DLG2: variants seen among roughly 807,000 people sequenced by gnomAD.
DLG2 encodes the protein disks large homolog 2.
DLG2 carries 45 observed loss-of-function variants against 132.5 expected under a neutral mutation model. The observed-to-expected ratio is 0.34, with a 90% CI of 0.27 to 0.44. The LOEUF (loss-of-function observed/expected upper bound fraction) is 0.44. Ranked by LOEUF, DLG2 falls within the 20% of genes least tolerant of loss-of-function variation. The pLI is 1.00. For missense variants in DLG2, 1,045 were observed against 1,196.9 expected, an observed-to-expected ratio of 0.87 and a Z score of 1.87; for synonymous variants, 424 against 419.6, an observed-to-expected ratio of 1.01 and a Z score of -0.13.
intron 6 of DLG2, among the ~76,000 whole-genome samples, chr11:84,958,700 T>G (rs750893547): frequency 6.6e-6 from 1 of 151,946 alleles, no homozygotes; most frequent in Non-Finnish European, 1.5e-5. Flanking sequence ...CTTTTGGGAG[T>G]TCTGCTCGCT....
At chr11:83,598,742 C>G (rs1321107223) in intron 19 of DLG2, among the ~76,000 whole-genome samples, 2 of 152,194 alleles carry the variant, frequency 1.3e-5, no homozygotes, top group Non-Finnish European at 2.9e-5. Flanking sequence ...AGAACTTTCT[C>G]TAAAATAGAT....
At chr11:85,479,653 C>G (rs1310936612) in intron 3 of DLG2, among the ~76,000 whole-genome samples, 3 of 152,162 alleles carry the variant, frequency 2.0e-5, no homozygotes, top group Non-Finnish European at 4.4e-5. Flanking sequence ...GATCGCTTTT[C>G]ATATTCATTG....
At chr11:83,823,882 T>C (rs1387082514) in intron 17 of DLG2, among the ~76,000 whole-genome samples, 1 of 152,168 alleles carries the variant, frequency 6.6e-6, no homozygotes, top group Non-Finnish European at 1.5e-5. Flanking sequence ...TAGGCATTTA[T>C]GCTTTTTTCA....
At chr11:85,144,426 T>A (rs1178917711) in intron 5 of DLG2, among the ~76,000 whole-genome samples, 1 of 151,548 alleles carries the variant, frequency 6.6e-6, no homozygotes, top group East Asian at 1.9e-4. Flanking sequence ...GTAAACGTTA[T>A]TATTGATAGG....
At chr11:83,916,515 C>T (rs150434906) in intron 15 of DLG2, among the ~76,000 whole-genome samples, 2,184 of 152,038 alleles carry the variant, frequency 0.014, 49 homozygotes, top group African/African-American at 0.05. Context: ...GGGGTTTCAC[C>T]ATGTTGGCCA....
At chr11:84,907,735 C>T (rs1458529156) in intron 6 of DLG2, among the ~76,000 whole-genome samples, 1 of 152,082 alleles carries the variant, frequency 6.6e-6, no homozygotes. Flanking sequence ...TCCAAGAAAA[C>T]CTGTCTGCAC....
chr11:84,313,687 A>AAGAAAGAAAGAAAGAAAGAAAGAG (rs760229361), intron 7 of DLG2, among the ~76,000 whole-genome samples: 15 of 141,286 alleles, frequency 1.1e-4, no homozygotes, highest in African/African-American at 3.4e-4. Flanking sequence ...GAAAGAAAGA[A>AAGAAAGAAAGAAAGAAAGAAAGAG]AAAGAAAGAG....
At chr11:84,203,581 CAAAAAAAAA>C (rs58934857) in intron 8 of DLG2, among the ~76,000 whole-genome samples, 3 of 99,426 alleles carry the variant, frequency 3.0e-5, no homozygotes, top group Admixed American at 2.5e-4. Context: ...GACTCCGTCT[CAAAAAAAAA>C]AAAAAAAAAG....
At chr11:84,502,335 T>C (rs1240491498) in intron 7 of DLG2, among the ~76,000 whole-genome samples, 7 of 28,322 alleles carry the variant, frequency 2.5e-4, no homozygotes, top group South Asian at 1.1e-3. Flanking sequence ...TCTTTCTTTC[T>C]TTCTTTCTTT....
chr11:84,552,397 G>C (rs1268926384), intron 6 of DLG2, among the ~76,000 whole-genome samples: 1 of 152,132 alleles, frequency 6.6e-6, no homozygotes, highest in Non-Finnish European at 1.5e-5. Context: ...CAGAGTAAGA[G>C]GAATGGATCA....
intron 6 of DLG2, among the ~76,000 whole-genome samples, chr11:85,019,698 T>C (rs2059872401): frequency 6.6e-6 from 1 of 152,128 alleles, no homozygotes; most frequent in Non-Finnish European, 1.5e-5. Flanking sequence ...AATTCCCACC[T>C]ATGAGTGAGA....
Position 84,373,260 on chromosome 11 carries a change from A to AAAAC in DLG2, c.520-121970_520-121969insGTTT, listed in dbSNP as rs1567448826. 7.7e-4 allele frequency among the ~76,000 whole-genome samples: 79 copies of AAAAC among 102,916 alleles called. 1 individual carries two copies. Among genetic ancestry groups the AAAAC allele is most frequent in the African/African-American group, 2.6e-3 (75 of 29,366 alleles). The allele number at this position is 102,916 out of a possible 152,430, so 67.5% of individuals were successfully genotyped here. A position where few individuals can be genotyped will look rare whatever the true frequency, so the allele number is the denominator to read the frequency against. On this transcript the variant is annotated intron_variant, in intron 7 of 27. Coordinates refer to ENST00000376104, the MANE Select transcript of DLG2 (RefSeq NM_001142699.3). ...AATTAAGAAACAGTCAAAAAAAAAA[A>AAAAC]AAAACAAAACAAAAAAAAAACCCAC...
intron 18 of DLG2, among the ~76,000 whole-genome samples, chr11:83,689,420 A>G (rs2080450683): frequency 6.6e-6 from 1 of 152,174 alleles, no homozygotes; most frequent in South Asian, 2.1e-4. Context: ...ACCAGAGACT[A>G]ATCATCTTTT....
intron 6 of DLG2, among the ~76,000 whole-genome samples, chr11:84,762,987 T>G (rs1269462063): frequency 6.6e-6 from 1 of 152,160 alleles, no homozygotes; most frequent in Non-Finnish European, 1.5e-5. Flanking sequence ...TTTATAACAA[T>G]TCTCCTTGCC....
chr11:84,083,310 A>T (rs1043087083), intron 10 of DLG2, among the ~76,000 whole-genome samples: 6 of 152,162 alleles, frequency 3.9e-5, no homozygotes, highest in African/African-American at 1.4e-4. Context: ...AATAACAGTC[A>T]TCTAATGTAA....
intron 6 of DLG2, chr11:84,762,274 AC>A (rs1464413883): frequency 6.6e-6 from 1 of 152,174 alleles, no homozygotes; most frequent in Non-Finnish European, 1.5e-5. Context: ...ACAATTTTTG[AC>A]ATCTTAAGTC....
At chr11:85,573,947 C>T (rs2077995573) in intron 3 of DLG2, among the ~76,000 whole-genome samples, 1 of 152,026 alleles carries the variant, frequency 6.6e-6, no homozygotes, top group African/African-American at 2.4e-5. Flanking sequence ...AATTAGAGCT[C>T]AAGTCAGTTA....
intron 6 of DLG2, among the ~76,000 whole-genome samples, chr11:85,056,677 C>T (rs2154156839): frequency 6.6e-6 from 1 of 151,844 alleles, no homozygotes; most frequent in African/African-American, 2.4e-5. Context: ...AGGGAAAGTA[C>T]AAAGAAAACA....
chr11:83,762,783 A>G (rs1217509190), intron 18 of DLG2, among the ~76,000 whole-genome samples: 2 of 152,038 alleles, frequency 1.3e-5, no homozygotes, highest in Non-Finnish European at 2.9e-5. Flanking sequence ...GGGTTTCACC[A>G]TGTTAACCAG....
Sources: gnomAD v4.1 joint callset for allele counts (sites outside exome capture counted in the v4.1 genomes callset) on GRCh38, gnomAD v4.1.1 for gene constraint, MANE v1.5 for transcripts, NCBI Gene and HGNC (gene_info 2026-07-23, HGNC 2026-07-21) for gene names.